SEC22C: variants seen among roughly 807,000 people sequenced by gnomAD.
SEC22C encodes the protein SEC22 homolog C, vesicle trafficking protein, also known as vesicle-trafficking protein SEC22c.
Under a neutral mutation model 34.7 loss-of-function variants are expected in SEC22C, and 29 were observed. That is an observed-to-expected ratio of 0.84 (90% CI 0.62 to 1.14). The LOEUF is 1.14. Among genes scored for constraint, SEC22C ranks in the 50% most tolerant of loss-of-function variants. The pLI, the probability that SEC22C is intolerant of heterozygous loss-of-function variation, is 0.00. For missense variants in SEC22C, 337 were observed against 369.0 expected (o/e 0.91, Z 0.71); for synonymous variants, 117 against 132.8 (o/e 0.88, Z 0.82).
intron 1 of SEC22C, among the ~76,000 whole-genome samples, chr3:42,589,449 C>T (rs1704737153): frequency 1.3e-5 from 2 of 152,104 alleles, no homozygotes; most frequent in Non-Finnish European, 2.9e-5. Flanking sequence ...GATCTCCCTC[C>T]TAAATGAAGT....
chr3:42,580,827 A>G (rs554646956), intron 1 of SEC22C, among the ~76,000 whole-genome samples: 2 of 152,360 alleles, frequency 1.3e-5, no homozygotes, highest in South Asian at 4.1e-4. Context: ...TTCTCCTTAG[A>G]GCACTAATAA....
At chr3:42,570,360 T>C (rs2125714474) in intron 1 of SEC22C, among the ~76,000 whole-genome samples, 2 of 152,340 alleles carry the variant, frequency 1.3e-5, no homozygotes, top group Middle Eastern at 6.8e-3. Context: ...ACCTACCTCT[T>C]TGTTCTCTAT....
intron 6 of SEC22C, 108 bp downstream of exon 6, chr3:42,555,822 T>C: frequency 4.5e-6 from 4 of 893,722 alleles, no homozygotes; most frequent in Non-Finnish European, 7.3e-6. Flanking sequence ...ATGTGAACCA[T>C]GACCTTGGTG....
chr3:42,582,424 G>A (rs17074611), upstream of SEC22C: 3,942 of 152,520 alleles, frequency 0.026, 71 homozygotes, highest in African/African-American at 0.051. Flanking sequence ...AGCCTGGATG[G>A]GGCGCCAAAG....
At position 42,552,145 on chromosome 3, in the gene SEC22C, CAG is replaced by C; in HGVS notation, c.*1101_*1102del. On this transcript the variant is annotated 3_prime_UTR_variant, in exon 7 of 7. Coordinates refer to ENST00000264454, the MANE Select transcript of SEC22C (RefSeq NM_032970.4). ...TTGACAGTGAAAGAGAGTAACTTTC[CAG>C]AGTATGTGTTAATTATATCTCTATC... is the stretch of plus-strand genomic sequence containing the variant. The C allele has an allele frequency of 1.0e-6, 1 of 985,238 alleles. No individual in the cohort carries two copies. Among genetic ancestry groups the C allele is most frequent in the Non-Finnish European group, 1.2e-6 (1 of 829,798 alleles). The allele number at this position is 985,238 out of a possible 1,614,324, so 61.0% of individuals were successfully genotyped here.
intron 2 of SEC22C, among the ~76,000 whole-genome samples, chr3:42,567,969 G>A (rs1703360456): frequency 6.6e-6 from 1 of 152,144 alleles, no homozygotes; most frequent in African/African-American, 2.4e-5. Context: ...CTGCTCAGGA[G>A]GCTGAAGCAG....
chr3:42,553,769 C>T (rs1201482497), intron 6 of SEC22C, among the ~76,000 whole-genome samples: 1 of 152,218 alleles, frequency 6.6e-6, no homozygotes, highest in Non-Finnish European at 1.5e-5. Context: ...ACATAAGCTG[C>T]AGACAGCCAG....
chr3:42,588,673 A>C (rs1200813446), intron 1 of SEC22C, among the ~76,000 whole-genome samples: 2 of 152,140 alleles, frequency 1.3e-5, no homozygotes, highest in Non-Finnish European at 2.9e-5. Flanking sequence ...GTTCATGCCC[A>C]TAATCCCAGG....
At chr3:42,556,745 C>G (rs565466225) in intron 5 of SEC22C, among the ~76,000 whole-genome samples, 1 of 151,910 alleles carries the variant, frequency 6.6e-6, no homozygotes, top group Non-Finnish European at 1.5e-5. Flanking sequence ...TTTTTTGAGA[C>G]GGAGTTTTGC....
At chr3:42,561,952 A>G (rs928967042) in intron 3 of SEC22C, among the ~76,000 whole-genome samples, 1 of 152,010 alleles carries the variant, frequency 6.6e-6, no homozygotes, top group African/African-American at 2.4e-5. Context: ...AATATTTCTA[A>G]GCTTGAAAAA....
chr3:42,548,605 G>C lies in SEC22C; in HGVS notation c.*4643C>G. 6.2e-7 allele frequency: 1 copy of C among 1,613,630 alleles called. No individual in the cohort carries two copies. The highest frequency in any genetic ancestry group is 1.1e-5 in the South Asian group (1 of 91,048). On this transcript the variant is annotated 3_prime_UTR_variant, in exon 7 of 7. Transcript: ENST00000264454. Reference sequence around the variant, plus strand: ...TCAGAGCTCTCCTCATTTGGGTCAGGGGTGGCTGGCTCACGAGGTTTGGTC... The same window carrying C: ...TCAGAGCTCTCCTCATTTGGGTCAGCGGTGGCTGGCTCACGAGGTTTGGTC...
intron 1 of SEC22C, chr3:42,587,426 A>G (rs1431315305): frequency 6.6e-6 from 1 of 152,160 alleles, no homozygotes; most frequent in African/African-American, 2.4e-5. Flanking sequence ...AGAAACTTTA[A>G]TGATGTTAAA....
At chr3:42,601,003 C>A (rs1183261681) in exon 1 of SEC22C, 2 of 1,565,632 alleles carry the variant, frequency 1.3e-6, no homozygotes, top group South Asian at 1.2e-5. Flanking sequence ...CCACCTCGGT[C>A]GCGATGGGGG....
intron 2 of SEC22C, chr3:42,563,973 C>T: frequency 1.5e-6 from 2 of 1,307,138 alleles, no homozygotes; most frequent in African/African-American, 3.0e-5. Flanking sequence ...CCTCAGACTT[C>T]TCCACATCTA....
At chr3:42,565,664 C>T (rs1393087064) in intron 2 of SEC22C, 3 of 296,478 alleles carry the variant, frequency 1.0e-5, no homozygotes, top group South Asian at 5.9e-5. Context: ...CCTGCAGTAA[C>T]GCATCTACAA....
At chr3:42,589,229 A>G (rs896037419) in intron 1 of SEC22C, among the ~76,000 whole-genome samples, 16 of 152,026 alleles carry the variant, frequency 1.1e-4, no homozygotes, top group Non-Finnish European at 1.8e-4. Flanking sequence ...AGATCACACC[A>G]CTGCACTCCA....
At position 42,549,502 on chromosome 3, in the gene SEC22C, A is replaced by T; in HGVS notation, c.*3746T>A. The T allele has an allele frequency of 2.0e-6, 2 of 985,766 alleles. No homozygotes were observed. Among genetic ancestry groups the T allele is most frequent in the Non-Finnish European group, 2.4e-6 (2 of 830,180 alleles). The allele number at this position is 985,766 out of a possible 1,614,324, so 61.1% of individuals were successfully genotyped here. On this transcript the variant is annotated 3_prime_UTR_variant, in exon 7 of 7. Coordinates refer to ENST00000264454, the MANE Select transcript of SEC22C (RefSeq NM_032970.4). ...ATGCCCTGCTTCCTGTGCCTCACAC[A>T]GCCAGCCTTGCTGGCCTGCTGGCTA... is the stretch of plus-strand genomic sequence containing the variant.
Position 42,548,818 on chromosome 3 carries a change from T to C in SEC22C, c.*4430A>G, listed in dbSNP as rs1474709295. On this transcript the variant is annotated 3_prime_UTR_variant, in exon 7 of 7. Transcript: ENST00000264454. Reference sequence around the variant, plus strand: ...GCCTTTTTGTAAAGGCCAGAAGAAATGGCTGTGCTGTGCTGCCTGAAGCAG... The same window carrying C: ...GCCTTTTTGTAAAGGCCAGAAGAAACGGCTGTGCTGTGCTGCCTGAAGCAG... 2.1e-6 allele frequency: 3 copies of C among 1,447,258 alleles called. No individual in the cohort carries two copies. The highest frequency in any genetic ancestry group is 1.4e-5 in the African/African-American group (1 of 70,506). 89.7% of individuals were successfully genotyped at this position (1,447,258 alleles called of 1,614,324 possible).
intron 1 of SEC22C, chr3:42,587,355 C>T (rs1381754897): frequency 1.3e-5 from 2 of 152,202 alleles, no homozygotes; most frequent in Non-Finnish European, 2.9e-5. Flanking sequence ...TATGCTGGAA[C>T]AGGTTGGTCC....
Sources: gnomAD v4.1 joint callset for allele counts (sites outside exome capture counted in the v4.1 genomes callset) on GRCh38, gnomAD v4.1.1 for gene constraint, MANE v1.5 for transcripts, NCBI Gene and HGNC (gene_info 2026-07-23, HGNC 2026-07-21) for gene names.